The following EXOC6B variants were observed in gnomAD, a reference collection of about 807,000 sequenced individuals.
EXOC6B encodes exocyst complex component 6B, also known as SEC15 homolog B.
Under a neutral mutation model 113.5 loss-of-function variants are expected in EXOC6B, and 54 were observed. That is an observed-to-expected ratio of 0.48 (90% CI 0.38 to 0.60). EXOC6B has a LOEUF of 0.60. EXOC6B is among the 20% of genes least tolerant of loss of function. The pLI, the probability that EXOC6B is intolerant of heterozygous loss-of-function variation, is 0.00. For missense variants in EXOC6B, 797 were observed against 977.5 expected, an observed-to-expected ratio of 0.82 and a Z score of 2.46; for synonymous variants, 357 against 339.0, an observed-to-expected ratio of 1.05 and a Z score of -0.58.
chr2:72,535,801 C>T (rs189213247), intron 8 of EXOC6B, among the ~76,000 whole-genome samples: 215 of 149,936 alleles, frequency 1.4e-3, no homozygotes, highest in Non-Finnish European at 2.7e-3. Context: ...ACTGGGGAGG[C>T]GGAAGTTGTG....
chr2:72,539,880 C>G (rs1250925975), intron 8 of EXOC6B, among the ~76,000 whole-genome samples: 2 of 151,644 alleles, frequency 1.3e-5, no homozygotes, highest in East Asian at 2.0e-4. Flanking sequence ...ATGTGCCATG[C>G]TGGTGTGCTG....
chr2:72,475,146 G>A (rs907779054), intron 17 of EXOC6B, among the ~76,000 whole-genome samples: 1 of 152,164 alleles, frequency 6.6e-6, no homozygotes, highest in Non-Finnish European at 1.5e-5. Flanking sequence ...GCAGTGGGAT[G>A]AGTATGTGTG....
chr2:72,264,870 T>C (rs1180114756), intron 20 of EXOC6B, among the ~76,000 whole-genome samples: 1 of 152,128 alleles, frequency 6.6e-6, no homozygotes, highest in Non-Finnish European at 1.5e-5. Flanking sequence ...TCCTCAGCCA[T>C]GCTGAACTGT....
chr2:72,787,139 T>C (rs1005201128), intron 1 of EXOC6B, among the ~76,000 whole-genome samples: 2 of 152,172 alleles, frequency 1.3e-5, no homozygotes, highest in Non-Finnish European at 2.9e-5. Context: ...GTACCAAGTA[T>C]GAATTCATCT....
At chr2:72,609,060 TC>T (rs1670910228) in intron 6 of EXOC6B, among the ~76,000 whole-genome samples, 1 of 152,080 alleles carries the variant, frequency 6.6e-6, no homozygotes, top group Non-Finnish European at 1.5e-5. Context: ...CCACCTCACT[TC>T]CCAACTCTAC....
intron 6 of EXOC6B, among the ~76,000 whole-genome samples, chr2:72,646,915 A>G (rs1351633111): frequency 6.6e-6 from 1 of 151,964 alleles, no homozygotes; most frequent in African/African-American, 2.4e-5. Flanking sequence ...TTCTCTCACC[A>G]CTCCTATTCA....
At chr2:72,242,977 C>A (rs765614672) in intron 20 of EXOC6B, among the ~76,000 whole-genome samples, 28 of 152,256 alleles carry the variant, frequency 1.8e-4, no homozygotes, top group Middle Eastern at 3.4e-3. Context: ...TTAAGAGATC[C>A]TCCTTTTCCT....
rs184866049 is a variant in EXOC6B at position 72,523,637 on chromosome 2, C to T, written c.916-8511G>A. On this transcript the variant is annotated intron_variant, in intron 8 of 21. Transcript: ENST00000272427. The stretch of plus-strand genomic sequence containing the variant: ...ACTACAAATACAAAAAGAAATCAGC[C>T]GGGCGTGGTGGCAGGCGCCTGCAGT... 3.3e-5 allele frequency among the ~76,000 whole-genome samples: 5 copies of T among 152,026 alleles called. No individual in the cohort carries two copies. The East Asian group carries it at 9.7e-4, about 29-fold the overall frequency.
At chr2:72,602,261 T>C (rs146193632) in intron 6 of EXOC6B, among the ~76,000 whole-genome samples, 106 of 152,314 alleles carry the variant, frequency 7.0e-4, no homozygotes, top group African/African-American at 2.4e-3. Context: ...CTTAAGTGCA[T>C]GATTATAGTA....
At chr2:72,670,000 T>C (rs1336314028) in intron 6 of EXOC6B, among the ~76,000 whole-genome samples, 4 of 152,234 alleles carry the variant, frequency 2.6e-5, no homozygotes, top group Non-Finnish European at 5.9e-5. Context: ...GTAACAGCCA[T>C]ATAAATTAGG....
intron 6 of EXOC6B, among the ~76,000 whole-genome samples, chr2:72,614,093 T>A (rs1293334922): frequency 6.6e-6 from 1 of 152,140 alleles, no homozygotes; most frequent in Non-Finnish European, 1.5e-5. Flanking sequence ...ATTCTCTATC[T>A]GGCCGTTTAT....
chr2:72,372,016 T>C (rs1241836484), intron 19 of EXOC6B, among the ~76,000 whole-genome samples: 2 of 152,180 alleles, frequency 1.3e-5, no homozygotes, highest in East Asian at 3.9e-4. Context: ...GTGGCATTTC[T>C]ATATGCCAAC....
chr2:72,795,533 G>A (rs375487800), intron 1 of EXOC6B, among the ~76,000 whole-genome samples: 9 of 152,042 alleles, frequency 5.9e-5, no homozygotes, highest in African/African-American at 1.7e-4. Flanking sequence ...CCGAGATCAC[G>A]CCACTGCACT....
At position 72,575,667 on chromosome 2, in the gene EXOC6B, G is replaced by A; in HGVS notation, c.671C>T (p.Ala224Val). The A allele has an allele frequency of 1.9e-6, 3 of 1,591,084 alleles. No homozygotes were observed. Among genetic ancestry groups the A allele is most frequent in the Non-Finnish European group, 2.6e-6 (3 of 1,170,842 alleles). ...GTTATCCAGGTTTCTTTGCTGCTGGGCCTAGGATAGAGAAGAACACACACA... is the reference window on the plus strand; with the variant it reads ...GTTATCCAGGTTTCTTTGCTGCTGGACCTAGGATAGAGAAGAACACACACA... ...DKIGETAMKQAQQQRNLDNIV... is the reference protein window; with the variant it reads ...DKIGETAMKQVQQQRNLDNIV... The change falls in exon 7 of 22, where the codon GCC becomes GTC. Residue 224 changes from alanine (A) to valine (V), a missense_variant and splice_region_variant. Transcript: ENST00000272427.
At chr2:72,440,188 A>G (rs1470893194) in intron 18 of EXOC6B, among the ~76,000 whole-genome samples, 1 of 152,172 alleles carries the variant, frequency 6.6e-6, no homozygotes, top group African/African-American at 2.4e-5. Context: ...AGCAGTCTGG[A>G]AATACTTTCA....
At chr2:72,600,925 A>C (rs1302140807) in intron 6 of EXOC6B, among the ~76,000 whole-genome samples, 1 of 152,156 alleles carries the variant, frequency 6.6e-6, no homozygotes, top group African/African-American at 2.4e-5. Flanking sequence ...CTGGGTTAGA[A>C]CACAGTAAGA....
At chr2:72,406,225 G>A (rs1693749805) in intron 18 of EXOC6B, among the ~76,000 whole-genome samples, 1 of 152,114 alleles carries the variant, frequency 6.6e-6, no homozygotes. Context: ...GAACTACAAA[G>A]AGACTTAGAC....
rs1296689505 is a variant in EXOC6B, at chr2:72,338,966, C to CACATAT, written c.2123-3947_2123-3946insATATGT. On this transcript the variant is annotated intron_variant, in intron 19 of 21. Transcript: ENST00000272427. Reference sequence around the variant, plus strand: ...ACACATACACATACACATACACATACATACACATACACATACACATTATGT... The same window carrying CACATAT: ...ACACATACACATACACATACACATACACATATATACACATACACATACACATTATGT... Among the ~76,000 whole-genome samples the CACATAT allele has an allele frequency of 3.6e-3, 551 of 151,242 alleles. 11 individuals carry two copies. Among genetic ancestry groups the CACATAT allele is most frequent in the African/African-American group, 0.013 (535 of 41,284 alleles).
intron 19 of EXOC6B, among the ~76,000 whole-genome samples, chr2:72,352,907 C>A (rs947050990): frequency 1.3e-5 from 2 of 151,938 alleles, no homozygotes; most frequent in Non-Finnish European, 2.9e-5. Flanking sequence ...CCTATAAAAG[C>A]GCTCAATTAA....
Sources: allele counts gnomAD v4.1 joint callset (sites outside exome capture counted in the v4.1 genomes callset), GRCh38; gene constraint gnomAD v4.1.1; transcripts MANE v1.5; gene names NCBI Gene and HGNC (gene_info 2026-07-23, HGNC 2026-07-21).